Variants in EMID1 observed in about 807,000 individuals in gnomAD.
EMID1 encodes EMI domain containing 1.
A neutral mutation model predicts 60.6 loss-of-function variants in EMID1; 40 were observed. The observed-to-expected ratio is 0.66, with a 90% CI of 0.51 to 0.86. The LOEUF (loss-of-function observed/expected upper bound fraction) is 0.86. EMID1 is among the 40% of genes least tolerant of loss of function. The probability of loss-of-function intolerance (pLI) is 0.00; values close to 1 mark genes in which losing one functional copy is unlikely to be tolerated. For synonymous variants in EMID1, 242 were observed against 231.0 expected (o/e 1.05, Z -0.43); for missense variants, 585 against 597.1 (o/e 0.98, Z 0.21).
In EMID1 at chr22:29,259,073, T is replaced by G. The variant is rs3181001; in HGVS notation, c.*129T>G. ...AGGGTCCCTTCTGCCATCTAGGCCT[T>G]AGGGGTAAGCAGGTCTCAGTCCTGG... is the stretch of plus-strand genomic sequence containing the variant. On this transcript the variant is annotated 3_prime_UTR_variant, in exon 15 of 15. Transcript: ENST00000334018. 116 of 1,360,172 alleles carry G rather than the reference T, an allele frequency of 8.5e-5. No homozygotes were observed. The highest frequency in any genetic ancestry group is 9.8e-5 in the Non-Finnish European group (99 of 1,007,466). 84.3% of individuals were successfully genotyped at this position (1,360,172 alleles called of 1,614,324 possible).
rs139426577 is a variant in EMID1 at position 29,243,960 on chromosome 22, G to A, written c.1119+471G>A. Among the ~76,000 whole-genome samples the A allele has an allele frequency of 9.8e-5, 15 of 152,288 alleles. No individual in the cohort carries two copies. In the East Asian group the frequency reaches 2.3e-3, roughly 24 times the overall value. On this transcript the variant is annotated intron_variant, in intron 13 of 14. Transcript: ENST00000334018. The stretch of plus-strand genomic sequence containing the variant: ...AGGAAAGGGGCCTAGAAATGATGAG[G>A]TACATAGGAGCCACGTGGTAAAAAG...
At position 29,232,297 on chromosome 22, in the gene EMID1, G is replaced by A. The variant is rs775629159; in HGVS notation, c.718G>A (p.Val240Met). 1.2e-6 allele frequency: 2 copies of A among 1,611,422 alleles called. No homozygotes were observed. Among genetic ancestry groups the A allele is most frequent in the East Asian group, 2.2e-5 (1 of 44,868 alleles). The part of the protein sequence containing the change: ...PPGSPGRAGA[V>M]GTPGERGPPG... ...AGGGAGCCCTGGCCGGGCTGGAGCT[G>A]TGGGCACCCCTGGAGAGAGGGGACC... Residue 240 changes from valine to methionine, a missense_variant, in exon 8 of 15, where the codon GTG (valine) becomes ATG (methionine). Coordinates refer to ENST00000334018, the MANE Select transcript of EMID1 (RefSeq NM_133455.4).
intron 13 of EMID1, among the ~76,000 whole-genome samples, chr22:29,248,494 C>T (rs1037528926): frequency 6.6e-6 from 1 of 152,054 alleles, no homozygotes; most frequent in Non-Finnish European, 1.5e-5. Context: ...GGCTGTTTTA[C>T]AGCTTAACTG....
At chr22:29,213,705 G>A (rs2039978355) in intron 1 of EMID1, among the ~76,000 whole-genome samples, 1 of 152,168 alleles carries the variant, frequency 6.6e-6, no homozygotes, top group African/African-American at 2.4e-5. Flanking sequence ...TGGGGAAGGA[G>A]GGATGGTTTC....
intron 1 of EMID1, 99 bp from the exon 2 acceptor site, chr22:29,214,827 C>T (rs1251857487): frequency 2.5e-6 from 2 of 804,168 alleles, no homozygotes; most frequent in Non-Finnish European, 3.7e-6. Context: ...GGATTCAGGG[C>T]TCTTGAAGAG....
intron 12 of EMID1, among the ~76,000 whole-genome samples, chr22:29,238,903 G>C (rs1400518235): frequency 7.0e-6 from 1 of 143,604 alleles, no homozygotes; most frequent in Non-Finnish European, 1.5e-5. Flanking sequence ...GTCATTTCTT[G>C]GCATTTATCC....
rs2041612041 is a variant in EMID1 at position 29,253,936 on chromosome 22, A to T, written c.1120-267A>T. On this transcript the variant is annotated intron_variant, in intron 13 of 14. Coordinates refer to ENST00000334018, the MANE Select transcript of EMID1 (RefSeq NM_133455.4). ...TGGCTCCCCCTGCCTTCAGCGCAGC[A>T]GGATTTGCGGCCTTGTCAGAGAGCA... is the stretch of plus-strand genomic sequence containing the variant. The T allele has an allele frequency of 4.1e-6, 4 of 985,448 alleles. No individual in the cohort carries two copies. The South Asian group carries it at 1.9e-4, about 46-fold the overall frequency. 61.0% of individuals were successfully genotyped at this position (985,448 alleles called of 1,614,324 possible).
At chr22:29,252,479 C>T (rs964628834) in intron 13 of EMID1, among the ~76,000 whole-genome samples, 1 of 152,142 alleles carries the variant, frequency 6.6e-6, no homozygotes, top group Non-Finnish European at 1.5e-5. Context: ...TTCTATTTGT[C>T]ATCCTGGTGC....
intron 12 of EMID1, among the ~76,000 whole-genome samples, chr22:29,235,641 A>T (rs1481992786): frequency 6.6e-6 from 1 of 152,092 alleles, no homozygotes; most frequent in Non-Finnish European, 1.5e-5. Flanking sequence ...CACATAGTGA[A>T]TGAAGTGTCT....
intron 14 of EMID1, among the ~76,000 whole-genome samples, chr22:29,258,029 C>T (rs2041767008): frequency 1.3e-5 from 2 of 152,210 alleles, no homozygotes; most frequent in African/African-American, 2.4e-5. Context: ...GGACAGCCCA[C>T]TCCATGGCAG....
At chr22:29,219,393 C>T (rs1169147397) in intron 3 of EMID1, among the ~76,000 whole-genome samples, 1 of 152,110 alleles carries the variant, frequency 6.6e-6, no homozygotes, top group Non-Finnish European at 1.5e-5. Context: ...CCCCAGCATA[C>T]ATATTCCTTC....
intron 3 of EMID1, chr22:29,216,665 C>G: frequency 1.0e-6 from 1 of 985,336 alleles, no homozygotes; most frequent in Non-Finnish European, 1.2e-6. Flanking sequence ...CACACTTCAC[C>G]TCCCGGGGAC....
chr22:29,234,215 G>C lies in EMID1; in HGVS notation c.1029+16G>C. The C allele has an allele frequency of 6.2e-7, 1 of 1,607,660 alleles. No homozygotes were observed. The highest frequency in any genetic ancestry group is 8.5e-7 in the Non-Finnish European group (1 of 1,176,880). ...GGGCGAGAGAGTGAGTACCCAGGTG[G>C]CCCCAGGTGGGGGAATTCTGGGGAG... On this transcript the variant is annotated intron_variant, in intron 11 of 14. Transcript: ENST00000334018.
At chr22:29,248,991 G>T (rs1272772502) in intron 13 of EMID1, among the ~76,000 whole-genome samples, 1 of 152,082 alleles carries the variant, frequency 6.6e-6, no homozygotes. Context: ...AGCCACAATT[G>T]TTCTGTCATT....
chr22:29,211,793 C>CAG (rs2039895215), intron 1 of EMID1, among the ~76,000 whole-genome samples: 2 of 152,248 alleles, frequency 1.3e-5, no homozygotes, highest in Admixed American at 1.3e-4. Flanking sequence ...TCCTCCCTCC[C>CAG]TCCTTCACTC....
In EMID1 at chr22:29,258,811, C is replaced by T. The variant is rs768970973; in HGVS notation, c.1205-6C>T. ...ATGTGGCCTCTCTCCTTCTTCCCTC[C>T]GGCAGAACCAGAGCTGGGGTCTGGG... On this transcript the variant is annotated splice_region_variant and splice_polypyrimidine_tract_variant and intron_variant, in intron 14 of 14. Coordinates refer to ENST00000334018, the MANE Select transcript of EMID1 (RefSeq NM_133455.4). 81 of 1,612,734 alleles carry T rather than the reference C, an allele frequency of 5.0e-5. No individual in the cohort carries two copies. The highest frequency in any genetic ancestry group is 6.4e-5 in the Non-Finnish European group (76 of 1,179,602).
chr22:29,210,876 C>T (rs1470410345), intron 1 of EMID1, among the ~76,000 whole-genome samples: 1 of 151,844 alleles, frequency 6.6e-6, no homozygotes, highest in Non-Finnish European at 1.5e-5. Context: ...TGGCTCTGTG[C>T]GTGCCTGTAT....
At chr22:29,234,709 A>G (rs1044705464) in intron 12 of EMID1, among the ~76,000 whole-genome samples, 3 of 152,174 alleles carry the variant, frequency 2.0e-5, no homozygotes, top group African/African-American at 4.8e-5. Flanking sequence ...GTGCATTCAC[A>G]TTTAGTATTT....
At chr22:29,248,202 G>A (rs992231131) in intron 13 of EMID1, among the ~76,000 whole-genome samples, 3 of 150,172 alleles carry the variant, frequency 2.0e-5, no homozygotes, top group East Asian at 1.9e-4. Context: ...CAAGTGATCC[G>A]CCTGCTTCGG....
Sources: gnomAD v4.1 joint callset for allele counts (sites outside exome capture counted in the v4.1 genomes callset) on GRCh38, gnomAD v4.1.1 for gene constraint, MANE v1.5 for transcripts, NCBI Gene and HGNC (gene_info 2026-07-23, HGNC 2026-07-21) for gene names.